TMEM132B: variants seen among roughly 807,000 people sequenced by gnomAD.
The protein encoded by TMEM132B is transmembrane protein 132B.
In TMEM132B, 18 loss-of-function variants were observed where a neutral mutation model predicts 90.8. The observed-to-expected ratio is 0.20, with a 90% CI of 0.14 to 0.29. TMEM132B has a LOEUF of 0.29. Ranked by LOEUF, TMEM132B falls within the 10% of genes least tolerant of loss-of-function variation. The pLI is 1.00. For missense variants in TMEM132B, 1,096 were observed against 1,326.8 expected, an observed-to-expected ratio of 0.83 and a Z score of 2.70; for synonymous variants, 504 against 523.3, an observed-to-expected ratio of 0.96 and a Z score of 0.50.
intron 2 of TMEM132B, among the ~76,000 whole-genome samples, chr12:125,372,291 C>T (rs183475973): frequency 1.4e-4 from 21 of 152,328 alleles, no homozygotes; most frequent in African/African-American, 5.1e-4. Flanking sequence ...TGGCAGTTTG[C>T]TAGAGCTCAT....
At chr12:125,532,621 T>G (rs1179102935) in intron 4 of TMEM132B, among the ~76,000 whole-genome samples, 1 of 151,938 alleles carries the variant, frequency 6.6e-6, no homozygotes, top group Non-Finnish European at 1.5e-5. Flanking sequence ...TTCAAGCAAT[T>G]CTTCTGCCCC....
chr12:125,377,892 A>G (rs1315041353), intron 2 of TMEM132B, among the ~76,000 whole-genome samples: 1 of 152,168 alleles, frequency 6.6e-6, no homozygotes, highest in Non-Finnish European at 1.5e-5. Context: ...TGGGGACCTT[A>G]CTCACAAAAT....
chr12:125,592,871 G>A (rs539619193), intron 5 of TMEM132B, among the ~76,000 whole-genome samples: 1 of 152,322 alleles, frequency 6.6e-6, no homozygotes, highest in East Asian at 1.9e-4. Context: ...GGGATCTAAG[G>A]CAGGAACAAG....
chr12:125,536,391 T>G (rs570599300), intron 4 of TMEM132B, among the ~76,000 whole-genome samples: 1 of 152,280 alleles, frequency 6.6e-6, no homozygotes, highest in East Asian at 1.9e-4. Context: ...ATCATTCGGT[T>G]TTTTGTACCA....
chr12:125,583,810 A>G lies in TMEM132B; in HGVS notation c.1294-41A>G, dbSNP rs201240202. 466 of 1,610,504 alleles carry G rather than the reference A, an allele frequency of 2.9e-4. 5 individuals are homozygous for G. The East Asian group carries it at 7.9e-3, about 27-fold the overall frequency. On this transcript the variant is annotated intron_variant, in intron 4 of 8. Transcript: ENST00000682704. ...CCCCTCTCCTGCTCGCCCCTGTGGTATGCACGTTTGCTGATCTGAGCCCTC... is the reference window on the plus strand; with the variant it reads ...CCCCTCTCCTGCTCGCCCCTGTGGTGTGCACGTTTGCTGATCTGAGCCCTC...
chr12:125,264,063 G>A (rs951961395), intron 1 of TMEM132B, among the ~76,000 whole-genome samples: 1 of 152,222 alleles, frequency 6.6e-6, no homozygotes, highest in Non-Finnish European at 1.5e-5. Context: ...GCAGGGCTGT[G>A]TCCTTCTGGA....
chr12:125,270,682 C>T (rs1874815115), intron 1 of TMEM132B, among the ~76,000 whole-genome samples: 1 of 151,830 alleles, frequency 6.6e-6, no homozygotes, highest in Admixed American at 6.6e-5. Context: ...AGTATTTACT[C>T]CGTCTGCCAA....
chr12:125,562,188 T>C (rs1884549615), intron 4 of TMEM132B, among the ~76,000 whole-genome samples: 1 of 152,244 alleles, frequency 6.6e-6, no homozygotes, highest in Non-Finnish European at 1.5e-5. Context: ...CAACCTCTGA[T>C]AGCCTCCAGC....
At chr12:125,491,649 T>A (rs984218079) in intron 3 of TMEM132B, among the ~76,000 whole-genome samples, 2 of 152,240 alleles carry the variant, frequency 1.3e-5, no homozygotes, top group African/African-American at 4.8e-5. Flanking sequence ...GAGAACCCAC[T>A]GTGGAGTGGA....
At chr12:125,576,970 T>TC (rs1884956045) in intron 4 of TMEM132B, among the ~76,000 whole-genome samples, 1 of 151,552 alleles carries the variant, frequency 6.6e-6, no homozygotes, top group African/African-American at 2.4e-5. Context: ...GCCTTTCTTT[T>TC]TTTTTTTTTA....
At chr12:125,462,485 T>C (rs1881462844) in intron 3 of TMEM132B, among the ~76,000 whole-genome samples, 1 of 152,000 alleles carries the variant, frequency 6.6e-6, no homozygotes, top group South Asian at 2.1e-4. Context: ...AGAAATGCCA[T>C]GAAAAAGAGA....
chr12:125,358,158 A>C (rs1288339038), intron 2 of TMEM132B, among the ~76,000 whole-genome samples: 3 of 152,136 alleles, frequency 2.0e-5, no homozygotes, highest in African/African-American at 7.2e-5. Flanking sequence ...GGGGGGAGAC[A>C]GCAAACACAC....
intron 4 of TMEM132B, among the ~76,000 whole-genome samples, chr12:125,536,760 C>T (rs1290721011): frequency 1.1e-4 from 16 of 152,046 alleles, no homozygotes; most frequent in Non-Finnish European, 2.1e-4. Context: ...TCCAAAGATG[C>T]CCACATGTGA....
intron 3 of TMEM132B, among the ~76,000 whole-genome samples, chr12:125,427,454 G>A (rs138312295): frequency 0.011 from 1,691 of 152,304 alleles, 30 homozygotes; most frequent in African/African-American, 0.037. Flanking sequence ...AGGCTTCAAG[G>A]CTCCAGAGCA....
rs139926097 is a variant in TMEM132B, at chr12:125,358,879, C to T, written c.959+8536C>T. ...GCTTATAACTTTTGGCATCCATTGA[C>T]GATTCTTGTCTCAAATGCAGTAATT... On this transcript the variant is annotated intron_variant, in intron 2 of 8. Coordinates refer to ENST00000682704, the MANE Select transcript of TMEM132B (RefSeq NM_001366854.1). Among the ~76,000 whole-genome samples the T allele has an allele frequency of 5.0e-3, 765 of 152,250 alleles. 6 individuals carry two copies. The highest frequency in any genetic ancestry group is 0.017 in the African/African-American group (710 of 41,526).
chr12:125,342,657 G>T (rs1877223169), intron 1 of TMEM132B, among the ~76,000 whole-genome samples: 1 of 152,084 alleles, frequency 6.6e-6, no homozygotes, highest in Non-Finnish European at 1.5e-5. Context: ...CTTCCCATTT[G>T]CTCCTGCTGA....
intron 5 of TMEM132B, among the ~76,000 whole-genome samples, chr12:125,641,770 G>A (rs1335254488): frequency 1.3e-5 from 2 of 151,722 alleles, no homozygotes; most frequent in Non-Finnish European, 2.9e-5. Context: ...TCTCTCCAGT[G>A]GGATGTGATT....
chr12:125,620,527 T>A (rs893867845), intron 5 of TMEM132B, among the ~76,000 whole-genome samples: 1 of 152,190 alleles, frequency 6.6e-6, no homozygotes, highest in African/African-American at 2.4e-5. Context: ...GCTGTCTTTC[T>A]CCAATGATAA....
intron 5 of TMEM132B, among the ~76,000 whole-genome samples, chr12:125,625,233 C>T (rs1054765163): frequency 1.6e-4 from 24 of 146,030 alleles, no homozygotes; most frequent in Non-Finnish European, 2.4e-4. Flanking sequence ...CCCGGGTTCA[C>T]GCCATTCTCC....
Sources: allele counts gnomAD v4.1 joint callset (sites outside exome capture counted in the v4.1 genomes callset), GRCh38; gene constraint gnomAD v4.1.1; transcripts MANE v1.5; gene names NCBI Gene and HGNC (gene_info 2026-07-23, HGNC 2026-07-21).